Variants in FARS2 observed in about 807,000 individuals in gnomAD.
FARS2 encodes the protein phenylalanine--tRNA ligase, mitochondrial.
In FARS2, 40 loss-of-function variants were observed where a neutral mutation model predicts 46.4. The observed-to-expected ratio is 0.86, with a 90% CI of 0.67 to 1.12. The LOEUF is 1.12. FARS2 is among the 50% of genes most tolerant of loss of function. The pLI, the probability that FARS2 is intolerant of heterozygous loss-of-function variation, is 0.00. For synonymous variants in FARS2, 234 were observed against 214.9 expected, an observed-to-expected ratio of 1.09 and a Z score of -0.78; for missense variants, 513 against 567.9, an observed-to-expected ratio of 0.90 and a Z score of 0.98.
At chr6:5,613,536 G>T (rs1775303499) in intron 6 of FARS2, among the ~76,000 whole-genome samples, 2 of 152,136 alleles carry the variant, frequency 1.3e-5, no homozygotes, top group East Asian at 1.9e-4. Context: ...CCTTAGTAAA[G>T]AAAATATATG....
intron 1 of FARS2, among the ~76,000 whole-genome samples, chr6:5,302,981 A>G (rs530735858): frequency 6.6e-6 from 1 of 152,214 alleles, no homozygotes. Flanking sequence ...TTAAGCATTC[A>G]TAAGTGTCAG....
intron 3 of FARS2, among the ~76,000 whole-genome samples, chr6:5,428,812 G>A (rs1762997223): frequency 6.6e-6 from 1 of 152,168 alleles, no homozygotes; most frequent in Admixed American, 6.5e-5. Flanking sequence ...GACTACTCAG[G>A]GGACGTGGGG....
At chr6:5,256,490 GGAAAAAAAAAAAAAAAAAAAAAA>G (rs1409500570), upstream of FARS2, among the ~76,000 whole-genome samples, 18 of 37,522 alleles carry the variant, frequency 4.8e-4, no homozygotes, top group East Asian at 0.016. Context: ...GATTTCAACT[GGAAAAAAAAAAAAAAAAAAAAAA>G]AAAAAAAAAA....
intron 5 of FARS2, among the ~76,000 whole-genome samples, chr6:5,566,119 T>C (rs993792561): frequency 1.3e-5 from 2 of 152,210 alleles, no homozygotes; most frequent in African/African-American, 2.4e-5. Flanking sequence ...ATCTGGATGC[T>C]ATGGGAGAAG....
chr6:5,360,764 G>C (rs1345987105), intron 1 of FARS2, among the ~76,000 whole-genome samples: 1 of 152,176 alleles, frequency 6.6e-6, no homozygotes, highest in African/African-American at 2.4e-5. Context: ...TCAGAAAGAA[G>C]GTCTGGATAG....
intron 6 of FARS2, among the ~76,000 whole-genome samples, chr6:5,638,884 A>G (rs1776673641): frequency 6.6e-6 from 1 of 152,236 alleles, no homozygotes; most frequent in Non-Finnish European, 1.5e-5. Flanking sequence ...CCTGGCACCC[A>G]GCCCTGGTGA....
intron 4 of FARS2, among the ~76,000 whole-genome samples, chr6:5,512,161 A>G (rs766746365): frequency 7.9e-5 from 12 of 152,204 alleles, no homozygotes; most frequent in Non-Finnish European, 1.5e-4. Context: ...ACCCAACTAA[A>G]GCAAAAAAAG....
At chr6:5,398,571 C>G (rs1761041252) in intron 2 of FARS2, among the ~76,000 whole-genome samples, 1 of 152,102 alleles carries the variant, frequency 6.6e-6, no homozygotes, top group Non-Finnish European at 1.5e-5. Flanking sequence ...AACTCTGTTC[C>G]TTTTTTATTA....
At chr6:5,456,514 A>C (rs969559523) in intron 4 of FARS2, among the ~76,000 whole-genome samples, 17 of 151,704 alleles carry the variant, frequency 1.1e-4, no homozygotes, top group Admixed American at 4.6e-4. Context: ...CAGGCGGATC[A>C]CGAGGTCAGG....
At chr6:5,462,550 T>G (rs1293700932) in intron 4 of FARS2, among the ~76,000 whole-genome samples, 1 of 152,248 alleles carries the variant, frequency 6.6e-6, no homozygotes, top group Non-Finnish European at 1.5e-5. Flanking sequence ...CATTTTGATT[T>G]AAATTTTGTG....
chr6:5,328,384 T>G (rs1321720930), intron 1 of FARS2, among the ~76,000 whole-genome samples: 1 of 152,108 alleles, frequency 6.6e-6, no homozygotes, highest in Non-Finnish European at 1.5e-5. Flanking sequence ...TGATACAAAG[T>G]TAGGGGGTTT....
intron 1 of FARS2, among the ~76,000 whole-genome samples, chr6:5,341,222 TATATATATATATA>T (rs1216188433): frequency 0.04 from 287 of 7,156 alleles, 6 homozygotes; most frequent in African/African-American, 0.11. Flanking sequence ...TATATATATA[TATATATATATATA>T]TTTTTTTTTT....
chr6:5,494,422 T>C (rs1412353347), intron 4 of FARS2, among the ~76,000 whole-genome samples: 3 of 152,210 alleles, frequency 2.0e-5, no homozygotes, highest in African/African-American at 7.2e-5. Context: ...TCACACTGCC[T>C]CGCTTCTCAG....
intron 5 of FARS2, chr6:5,609,876 A>G: frequency 2.0e-6 from 2 of 998,928 alleles, no homozygotes; most frequent in South Asian, 2.5e-5. Flanking sequence ...TGCCACCAAC[A>G]AATGCCTTTT....
chr6:5,670,938 G>T (rs544019973), intron 6 of FARS2, among the ~76,000 whole-genome samples: 12 of 152,232 alleles, frequency 7.9e-5, no homozygotes, highest in Admixed American at 2.6e-4. Context: ...GCTCACTCAA[G>T]ACTATATATT....
chr6:5,735,769 G>A (rs925607002), intron 6 of FARS2, among the ~76,000 whole-genome samples: 1 of 152,190 alleles, frequency 6.6e-6, no homozygotes, highest in African/African-American at 2.4e-5. Flanking sequence ...CTGTTTGGGA[G>A]CTGCCTTCAT....
intron 2 of FARS2, chr6:5,371,230 A>G: frequency 1.0e-6 from 1 of 963,192 alleles, no homozygotes; most frequent in South Asian, 4.8e-5. Flanking sequence ...ACCTCAACTA[A>G]AGTGTTGGTA....
rs575604742 is a variant in FARS2 at position 5,330,183 on chromosome 6, T to C, written c.-21-38367T>C. 2.6e-5 allele frequency among the ~76,000 whole-genome samples: 4 copies of C among 152,276 alleles called. No individual in the cohort carries two copies. The South Asian group carries it at 8.3e-4, about 32-fold the overall frequency. ...CTCCTATTATCCCTATCAATCAAGA[T>C]ACCACAGAAATTTTAGGAGCCCCTT... On this transcript the variant is annotated intron_variant, in intron 1 of 6. Transcript: ENST00000274680.
intron 6 of FARS2, among the ~76,000 whole-genome samples, chr6:5,763,410 C>A (rs772038963): frequency 4.4e-4 from 67 of 152,258 alleles, no homozygotes; most frequent in Non-Finnish European, 6.3e-4. Flanking sequence ...CATCATTGTG[C>A]CACTGCCACT....
Sources: allele counts gnomAD v4.1 joint callset (sites outside exome capture counted in the v4.1 genomes callset), GRCh38; gene constraint gnomAD v4.1.1; transcripts MANE v1.5; gene names NCBI Gene and HGNC (gene_info 2026-07-23, HGNC 2026-07-21).